The following CASK variants were observed in gnomAD, a reference collection of about 807,000 sequenced individuals.
CASK encodes the protein calcium/calmodulin dependent serine protein kinase.
CASK carries 4 observed loss-of-function variants against 82.9 expected under a neutral mutation model. That is an observed-to-expected ratio of 0.05 (90% CI 0.02 to 0.11). CASK has a LOEUF of 0.11. Ranked by LOEUF, CASK falls within the 10% of genes least tolerant of loss-of-function variation. CASK has a pLI of 1.00. For synonymous variants in CASK, 259 were observed against 253.5 expected, an observed-to-expected ratio of 1.02 and a Z score of -0.20; for missense variants, 358 against 720.9, an observed-to-expected ratio of 0.50 and a Z score of 5.76.
intron 3 of CASK, among the ~76,000 whole-genome samples, chrX:41,758,018 T>TG (rs1438352751): frequency 8.9e-6 from 1 of 112,346 alleles, no homozygotes; most frequent in Non-Finnish European, 1.9e-5. Flanking sequence ...TCCGTATTTG[T>TG]GGGGGGATTA....
chrX:41,833,788 G>A (rs1057229584), intron 2 of CASK, among the ~76,000 whole-genome samples: 11 of 111,299 alleles, frequency 9.9e-5, no homozygotes, highest in East Asian at 2.8e-4. Context: ...TTACTCTGTC[G>A]CCCAGGCTGG....
intron 8 of CASK, among the ~76,000 whole-genome samples, chrX:41,644,895 A>G (rs1379841800): frequency 9.0e-6 from 1 of 111,565 alleles, no homozygotes; most frequent in African/African-American, 3.3e-5. Flanking sequence ...TAGTCAGACC[A>G]GTTGATCTCA....
intron 11 of CASK, among the ~76,000 whole-genome samples, chrX:41,614,357 A>AAAAAT (rs921446393): frequency 5.4e-5 from 6 of 112,047 alleles, no homozygotes; most frequent in Non-Finnish European, 9.4e-5. Context: ...CTAAAAATTA[A>AAAAAT]AAAATAAAAT....
intron 12 of CASK, among the ~76,000 whole-genome samples, chrX:41,596,236 C>T (rs993615881): frequency 3.6e-5 from 4 of 110,469 alleles, no homozygotes; most frequent in Non-Finnish European, 7.6e-5. Flanking sequence ...TAATCCTATC[C>T]TGGCAAGATA....
At chrX:41,626,397 G>T (rs2066376192) in intron 10 of CASK, among the ~76,000 whole-genome samples, 1 of 111,834 alleles carries the variant, frequency 8.9e-6, no homozygotes, top group African/African-American at 3.2e-5. Flanking sequence ...ATGAAGTGTT[G>T]GTTTTGGAGC....
At chrX:41,723,698 A>G (rs1426585878) in intron 5 of CASK, among the ~76,000 whole-genome samples, 1 of 111,903 alleles carries the variant, frequency 8.9e-6, no homozygotes, top group Non-Finnish European at 1.9e-5. Flanking sequence ...TCAACTTTAA[A>G]ACAAAGGGTC....
chrX:41,913,255 G>A (rs187197664), intron 1 of CASK, among the ~76,000 whole-genome samples: 1 of 112,180 alleles, frequency 8.9e-6, no homozygotes, highest in Non-Finnish European at 1.9e-5. Context: ...GCTAAATGAC[G>A]AGTTAATGGG....
intron 8 of CASK, among the ~76,000 whole-genome samples, chrX:41,649,398 A>G (rs1010125668): frequency 6.2e-5 from 7 of 112,041 alleles, no homozygotes; most frequent in Non-Finnish European, 1.1e-4. Context: ...ATTTAGTGCT[A>G]TAAATTTCCC....
intron 5 of CASK, among the ~76,000 whole-genome samples, chrX:41,719,176 A>G (rs1026257034): frequency 8.9e-6 from 1 of 111,964 alleles, no homozygotes; most frequent in Non-Finnish European, 1.9e-5. Context: ...CTCAGTGTCA[A>G]TGAAGTGGGG....
At chrX:41,734,914 A>G (rs1425551813) in intron 5 of CASK, among the ~76,000 whole-genome samples, 1 of 111,853 alleles carries the variant, frequency 8.9e-6, no homozygotes, top group Admixed American at 9.5e-5. Flanking sequence ...TTTATGTGAA[A>G]CTGCTTCTTC....
At chrX:41,708,576 T>C (rs1379599412) in intron 5 of CASK, among the ~76,000 whole-genome samples, 1 of 112,395 alleles carries the variant, frequency 8.9e-6, no homozygotes, top group Non-Finnish European at 1.9e-5. Context: ...CAGAAATCCA[T>C]TGTCTATACA....
At chrX:41,826,861 T>C (rs2070678711) in intron 2 of CASK, among the ~76,000 whole-genome samples, 1 of 112,327 alleles carries the variant, frequency 8.9e-6, no homozygotes, top group Admixed American at 9.4e-5. Context: ...TTATAAGACA[T>C]AAATATCACT....
Position 41,569,722 on chromosome X carries a change from G to A in CASK, c.1528C>T (p.Leu510=). 1 of 1,158,026 alleles carries A rather than the reference G, an allele frequency of 8.6e-7. No individual in the cohort carries two copies. Among genetic ancestry groups the A allele is most frequent in the African/African-American group, 1.8e-5 (1 of 56,441 alleles). Reference sequence around the variant, plus strand: ...ATTCTTGCAACAATACAATGATTTAGTTCATTCATTTTTAAAGTGATTCCC... The same window carrying A: ...ATTCTTGCAACAATACAATGATTTAATTCATTCATTTTTAAAGTGATTCCC... ...PMGITLKMNE[L]NHCIVARIMH... The change falls in exon 16 of 27, where the codon CTA becomes TTA. Residue 510 remains leucine, a synonymous_variant. Coordinates refer to ENST00000378163, the MANE Select transcript of CASK (RefSeq NM_001367721.1).
chrX:41,680,218 T>C (rs1027204247), intron 5 of CASK, among the ~76,000 whole-genome samples: 3 of 105,756 alleles, frequency 2.8e-5, no homozygotes, highest in East Asian at 3.0e-4. Context: ...ACGCAGCGAC[T>C]CATGCCTGTA....
chrX:41,913,574 G>A (rs2072621349), intron 1 of CASK, among the ~76,000 whole-genome samples: 1 of 111,532 alleles, frequency 9.0e-6, no homozygotes, highest in Admixed American at 9.5e-5. Context: ...ATAAAAGTTA[G>A]CACCACTAAC....
At chrX:41,611,717 C>CCTCTCT (rs1329398885) in intron 11 of CASK, among the ~76,000 whole-genome samples, 3 of 97,611 alleles carry the variant, frequency 3.1e-5, no homozygotes, top group African/African-American at 1.1e-4. Context: ...TCTCCCTCTC[C>CCTCTCT]CTCTCTTTCC....
chrX:41,565,779 C>CA (rs2065304895), intron 16 of CASK, among the ~76,000 whole-genome samples: 1 of 111,102 alleles, frequency 9.0e-6, no homozygotes, highest in African/African-American at 3.3e-5. Flanking sequence ...AGAGACACAA[C>CA]AAAAAAACAG....
intron 25 of CASK, chrX:41,524,445 C>T (rs1409812860): frequency 1.2e-5 from 2 of 164,232 alleles, no homozygotes; most frequent in Non-Finnish European, 2.3e-5. Context: ...CACTCCCTCA[C>T]ATTTCAAATT....
intron 5 of CASK, chrX:41,696,389 G>T: frequency 8.5e-7 from 1 of 1,179,114 alleles, no homozygotes; most frequent in Non-Finnish European, 1.1e-6. Flanking sequence ...CTAAAAGGAG[G>T]TCAAAATTTC....
Sources: gnomAD v4.1 joint callset for allele counts (sites outside exome capture counted in the v4.1 genomes callset) on GRCh38, gnomAD v4.1.1 for gene constraint, MANE v1.5 for transcripts, NCBI Gene and HGNC (gene_info 2026-07-23, HGNC 2026-07-21) for gene names.